The following ANK2 variants were observed in gnomAD, a reference collection of about 807,000 sequenced individuals.
The protein encoded by ANK2 is ankyrin-2.
In ANK2, 83 loss-of-function variants were observed where a neutral mutation model predicts 360.5. The observed-to-expected ratio is 0.23, with a 90% CI of 0.19 to 0.28. The LOEUF (loss-of-function observed/expected upper bound fraction) is 0.28. Ranked by LOEUF, ANK2 falls within the 10% of genes least tolerant of loss-of-function variation. The pLI is 1.00. For synonymous variants in ANK2, 1,740 were observed against 1,759.5 expected, an observed-to-expected ratio of 0.99 and a Z score of 0.28; for missense variants, 4,201 against 4,795.7, an observed-to-expected ratio of 0.88 and a Z score of 3.66.
chr4:113,328,771 G>T (rs145722963), intron 26 of ANK2, among the ~76,000 whole-genome samples: 1 of 152,074 alleles, frequency 6.6e-6, no homozygotes, highest in African/African-American at 2.4e-5. Flanking sequence ...GGGCTCCTTC[G>T]CACCCATTTT....
At chr4:113,281,855 C>A (rs1039631778) in intron 17 of ANK2, among the ~76,000 whole-genome samples, 1 of 152,100 alleles carries the variant, frequency 6.6e-6, no homozygotes, top group Non-Finnish European at 1.5e-5. Context: ...CATATTTGTA[C>A]TTTCAAAGCA....
intron 1 of ANK2, among the ~76,000 whole-genome samples, chr4:113,107,887 C>A (rs1183429291): frequency 1.3e-5 from 2 of 152,046 alleles, no homozygotes; most frequent in South Asian, 2.1e-4. Flanking sequence ...ATTCAAAAAC[C>A]CAAATTTGAT....
chr4:112,840,055 T>A (rs2061778394), intron 1 of ANK2, among the ~76,000 whole-genome samples: 1 of 152,224 alleles, frequency 6.6e-6, no homozygotes, highest in African/African-American at 2.4e-5. Context: ...GGTCTTGTGC[T>A]ATGTGCTGGA....
intron 41 of ANK2, among the ~76,000 whole-genome samples, chr4:113,365,678 T>TTC (rs1443300325): frequency 6.7e-6 from 1 of 149,808 alleles, no homozygotes. Flanking sequence ...GTTTTTTTTT[T>TTC]TCTCTCTCTC....
At chr4:112,746,967 C>G in the ANK2 span, among the ~76,000 whole-genome samples, 1 of 152,126 alleles carries the variant, frequency 6.6e-6, no homozygotes, top group Non-Finnish European at 1.5e-5. Flanking sequence ...ATCCCTAAAA[C>G]AAATTTCAAT....
intron 4 of ANK2, among the ~76,000 whole-genome samples, chr4:113,222,704 C>T (rs961889296): frequency 1.4e-4 from 22 of 152,128 alleles, no homozygotes; most frequent in Admixed American, 1.2e-3. Flanking sequence ...GGATATAAAA[C>T]AGGATGACAC....
chr4:113,358,202 C>G lies in ANK2; in HGVS notation c.9584C>G (p.Ala3195Gly). Reference protein sequence around the residue: ...DVSEEVEEIPASDAQLNSQMG... With the variant: ...DVSEEVEEIPGSDAQLNSQMG... ...AGTGAGGAAGTAGAGGAAATACCTG[C>G]TTCGGATGCTCAACTTAACTCCCAA... The change falls in exon 38 of 46, where the codon GCT becomes GGT. Residue 3195 changes from alanine to glycine, a missense_variant. Physicochemically the swap from Ala to Gly is moderately conservative, Grantham distance 60. Transcript: ENST00000357077. 1 of 1,614,082 alleles carries G rather than the reference C, an allele frequency of 6.2e-7. No individual in the cohort carries two copies. The highest frequency in any genetic ancestry group is 8.5e-7 in the Non-Finnish European group (1 of 1,179,952).
At chr4:113,303,623 GTAA>G (rs968174234) in intron 23 of ANK2, among the ~76,000 whole-genome samples, 38 of 152,092 alleles carry the variant, frequency 2.5e-4, no homozygotes, top group African/African-American at 8.9e-4. Flanking sequence ...GAACTTCCAT[GTAA>G]TAATCCACTT....
chr4:113,361,481 T>C (rs561504451), intron 39 of ANK2, among the ~76,000 whole-genome samples: 25 of 151,826 alleles, frequency 1.6e-4, no homozygotes, highest in Non-Finnish European at 1.3e-4. Context: ...TTTTAAAAAC[T>C]ATACATTTTC....
At chr4:112,725,757 TA>T in the ANK2 span, among the ~76,000 whole-genome samples, 1 of 152,106 alleles carries the variant, frequency 6.6e-6, no homozygotes, top group Non-Finnish European at 1.5e-5. Context: ...AGAATAGTGG[TA>T]GCCAAGGGCT....
chr4:112,719,506 A>C, the ANK2 span, among the ~76,000 whole-genome samples: 34 of 152,068 alleles, frequency 2.2e-4, 1 homozygote, highest in Admixed American at 1.7e-3. Flanking sequence ...AGGTGGGTGG[A>C]TCACGAGGTC....
intron 2 of ANK2, among the ~76,000 whole-genome samples, chr4:113,029,769 T>A (rs893891795): frequency 6.6e-6 from 1 of 152,060 alleles, no homozygotes; most frequent in Non-Finnish European, 1.5e-5. Context: ...ATGACTGACT[T>A]ATCTCGACGG....
At chr4:112,736,772 A>G in the ANK2 span, among the ~76,000 whole-genome samples, 1 of 152,152 alleles carries the variant, frequency 6.6e-6, no homozygotes, top group Non-Finnish European at 1.5e-5. Context: ...TTTCTCCTAA[A>G]CACTGGTTGG....
chr4:112,781,827 ATTT>A, the ANK2 span, among the ~76,000 whole-genome samples: 3 of 124,754 alleles, frequency 2.4e-5, no homozygotes, highest in Admixed American at 1.8e-4. Flanking sequence ...TGATAACAGT[ATTT>A]TTTTTTTTTT....
intron 11 of ANK2, among the ~76,000 whole-genome samples, chr4:113,256,662 A>G (rs1190235599): frequency 1.3e-5 from 2 of 152,160 alleles, no homozygotes; most frequent in African/African-American, 4.8e-5. Flanking sequence ...TAATTCCCAA[A>G]CTAAAAGTAA....
chr4:112,815,309 A>G (rs1487993884), upstream of ANK2, among the ~76,000 whole-genome samples: 1 of 152,198 alleles, frequency 6.6e-6, no homozygotes, highest in Non-Finnish European at 1.5e-5. Flanking sequence ...AATATCATGC[A>G]CTTTGGTATC....
At chr4:113,151,164 C>A in intron 1 of ANK2, 1 of 1,269,844 alleles carries the variant, frequency 7.9e-7, no homozygotes. Flanking sequence ...ACAGTAAAGA[C>A]GTTGGTAACT....
chr4:113,197,391 A>T (rs187084042), intron 3 of ANK2, among the ~76,000 whole-genome samples: 2 of 152,344 alleles, frequency 1.3e-5, no homozygotes, highest in African/African-American at 4.8e-5. Flanking sequence ...ACAGACATTT[A>T]AAAAACTATT....
chr4:113,141,682 G>A (rs563562240), intron 1 of ANK2, among the ~76,000 whole-genome samples: 2 of 152,254 alleles, frequency 1.3e-5, no homozygotes, highest in South Asian at 4.1e-4. Flanking sequence ...ATAGAACTGA[G>A]ACAGTTATTT....
Sources: gnomAD v4.1 joint callset for allele counts (sites outside exome capture counted in the v4.1 genomes callset) on GRCh38, gnomAD v4.1.1 for gene constraint, MANE v1.5 for transcripts, NCBI Gene and HGNC (gene_info 2026-07-23, HGNC 2026-07-21) for gene names.